Variants in MED13 observed in about 807,000 individuals in gnomAD.
The protein encoded by MED13 is mediator of RNA polymerase II transcription subunit 13.
In MED13, 23 loss-of-function variants were observed where a neutral mutation model predicts 225.2. The observed-to-expected ratio is 0.10, with a 90% CI of 0.07 to 0.14. MED13 has a LOEUF of 0.14. MED13 is among the 10% of genes least tolerant of loss of function. The pLI, the probability that MED13 is intolerant of heterozygous loss-of-function variation, is 1.00. For synonymous variants in MED13, 942 were observed against 889.2 expected, an observed-to-expected ratio of 1.06 and a Z score of -1.06; for missense variants, 2,197 against 2,594.5, an observed-to-expected ratio of 0.85 and a Z score of 3.33.
intron 5 of MED13, among the ~76,000 whole-genome samples, chr17:62,032,156 T>TAA (rs200787806): frequency 6.8e-6 from 1 of 146,404 alleles, no homozygotes; most frequent in Non-Finnish European, 1.5e-5. Flanking sequence ...ATCTTTTTCT[T>TAA]AAAAAAAAAA....
chr17:62,060,057 C>T (rs1173891865), intron 2 of MED13, among the ~76,000 whole-genome samples: 4 of 152,030 alleles, frequency 2.6e-5, no homozygotes, highest in Admixed American at 6.5e-5. Flanking sequence ...TTTGGGAGGC[C>T]GAGGCGGGTG....
chr17:62,019,282 T>A (rs998267677), intron 8 of MED13, among the ~76,000 whole-genome samples: 2 of 152,256 alleles, frequency 1.3e-5, no homozygotes, highest in African/African-American at 4.8e-5. Context: ...ATTAGCTTTT[T>A]GGCTACTGTT....
chr17:62,022,026 G>A (rs1214089887), intron 8 of MED13, among the ~76,000 whole-genome samples: 1 of 151,804 alleles, frequency 6.6e-6, no homozygotes. Flanking sequence ...AATTAATCTG[G>A]ATGTGGTGGT....
At position 61,995,619 on chromosome 17, in the gene MED13, T is replaced by G. The variant is rs117337149; in HGVS notation, c.1968-254A>C. Among the ~76,000 whole-genome samples the G allele has an allele frequency of 6.3e-3, 960 of 152,332 alleles. 1 individual carries two copies. The highest frequency in any genetic ancestry group is 0.014 in the Middle Eastern group (4 of 294). ...ACCAAAATATGTTGTCTTTAGGTAA[T>G]TCACGGTTTAGGTAACTCACGGTTC... On this transcript the variant is annotated intron_variant, in intron 9 of 29. Transcript: ENST00000397786.
At chr17:61,952,558 G>T (rs1022131639) in intron 27 of MED13, among the ~76,000 whole-genome samples, 1 of 152,112 alleles carries the variant, frequency 6.6e-6, no homozygotes, top group African/African-American at 2.4e-5. Context: ...TTAAAAATGT[G>T]CAATTCAAAG....
intron 16 of MED13, among the ~76,000 whole-genome samples, chr17:61,981,396 T>G (rs1266532349): frequency 6.6e-6 from 1 of 152,156 alleles, no homozygotes; most frequent in Non-Finnish European, 1.5e-5. Context: ...TAGCTTCCCA[T>G]CACATTTAGT....
chr17:61,988,758 T>C (rs529892236), intron 11 of MED13, among the ~76,000 whole-genome samples: 1 of 152,120 alleles, frequency 6.6e-6, no homozygotes, highest in South Asian at 2.1e-4. Flanking sequence ...ATGTATGTAT[T>C]GTGAAATGAC....
At chr17:62,042,944 G>A (rs2080866070) in intron 3 of MED13, among the ~76,000 whole-genome samples, 1 of 151,916 alleles carries the variant, frequency 6.6e-6, no homozygotes, top group African/African-American at 2.4e-5. Context: ...GAGGCTAGGA[G>A]TTAGAGACCA....
chr17:61,974,155 T>C (rs1391389610), intron 16 of MED13, among the ~76,000 whole-genome samples: 5 of 152,198 alleles, frequency 3.3e-5, no homozygotes, highest in African/African-American at 1.2e-4. Flanking sequence ...CTCATGCCTG[T>C]AATTGCAGCA....
chr17:61,949,400 A>T (rs186092716), intron 28 of MED13, among the ~76,000 whole-genome samples: 1 of 152,178 alleles, frequency 6.6e-6, no homozygotes, highest in Non-Finnish European at 1.5e-5. Context: ...TAATATTAAA[A>T]ACTTTTTAGA....
intron 11 of MED13, among the ~76,000 whole-genome samples, chr17:61,990,473 G>T (rs1306658661): frequency 2.6e-5 from 4 of 151,760 alleles, no homozygotes; most frequent in Non-Finnish European, 2.9e-5. Flanking sequence ...ACTGAAAAAT[G>T]ATTTAGAATA....
intron 11 of MED13, among the ~76,000 whole-genome samples, chr17:61,991,664 T>G (rs1023182345): frequency 6.6e-6 from 1 of 152,102 alleles, no homozygotes; most frequent in African/African-American, 2.4e-5. Context: ...CGTGCCTCCA[T>G]GCCCAGCTAA....
chr17:62,027,788 T>C (rs1304009937), intron 8 of MED13, among the ~76,000 whole-genome samples: 1 of 152,192 alleles, frequency 6.6e-6, no homozygotes, highest in East Asian at 1.9e-4. Flanking sequence ...AGAAGACATA[T>C]GTGCAGCCAA....
intron 11 of MED13, 30 bp from the exon 12 acceptor site, chr17:61,987,158 A>G: frequency 6.5e-7 from 1 of 1,550,094 alleles, no homozygotes; most frequent in Non-Finnish European, 8.8e-7. Context: ...AAATAAAATT[A>G]AAACTGCTAC....
chr17:62,019,095 A>C (rs2080612090), intron 8 of MED13, among the ~76,000 whole-genome samples: 1 of 152,226 alleles, frequency 6.6e-6, no homozygotes, highest in Admixed American at 6.5e-5. Context: ...AAAAGTTATT[A>C]AAATACTCTC....
intron 8 of MED13, among the ~76,000 whole-genome samples, chr17:62,017,554 T>C (rs898519329): frequency 5.9e-5 from 9 of 152,216 alleles, no homozygotes; most frequent in Admixed American, 3.9e-4. Context: ...CATAATAGCA[T>C]CAAAACAGTA....
intron 10 of MED13, among the ~76,000 whole-genome samples, chr17:61,993,197 T>TC (rs2080316557): frequency 8.5e-6 from 1 of 117,356 alleles, no homozygotes; most frequent in African/African-American, 6.9e-5. Flanking sequence ...TCTTTCTTTC[T>TC]TTCTTTTTTT....
At chr17:61,951,862 T>C (rs1192186212) in intron 27 of MED13, among the ~76,000 whole-genome samples, 10 of 152,166 alleles carry the variant, frequency 6.6e-5, no homozygotes, top group African/African-American at 2.4e-4. Flanking sequence ...TTTATACCTA[T>C]GCATACTACA....
rs371897238 is a variant in MED13, at chr17:62,011,225, T to C, written c.1292A>G (p.Asn431Ser). 9 of 1,604,100 alleles carry C rather than the reference T, an allele frequency of 5.6e-6. No individual in the cohort carries two copies. Among genetic ancestry groups the C allele is most frequent in the Non-Finnish European group, 6.8e-6 (8 of 1,176,112 alleles). ...TTGTCCAGCATTTCTTGACTTGAGATTTTTGTGCCTGAAAAGTGAAAATAA... is the reference window on the plus strand; with the variant it reads ...TTGTCCAGCATTTCTTGACTTGAGACTTTTGTGCCTGAAAAGTGAAAATAA... ...RTNCSCLRHK[N>S]LKSRNAGQQG... The change falls in exon 9 of 30, where the codon AAT (asparagine) becomes AGT (serine). Residue 431 changes from asparagine (N) to serine (S), a missense_variant. By Grantham distance (46) the Asn-to-Ser change is conservative. This residue lies in a region of MED13 where 884 missense variants were observed against 918.5 expected (regional missense o/e 0.96). Coordinates refer to ENST00000397786, the MANE Select transcript of MED13 (RefSeq NM_005121.3).
Sources: allele counts gnomAD v4.1 joint callset (sites outside exome capture counted in the v4.1 genomes callset), GRCh38; gene constraint gnomAD v4.1.1; regional missense constraint gnomAD v4.1.1; transcripts MANE v1.5; gene names NCBI Gene and HGNC (gene_info 2026-07-23, HGNC 2026-07-21).